TRAK1: variants seen among roughly 807,000 people sequenced by gnomAD.
TRAK1 encodes trafficking kinesin protein 1.
TRAK1 carries 33 observed loss-of-function variants against 92.1 expected under a neutral mutation model. The ratio of observed to expected loss-of-function variants is 0.36; its 90% CI spans 0.27 to 0.48. TRAK1 has a LOEUF of 0.48. TRAK1 is among the 20% of genes least tolerant of loss of function. The pLI, the probability that TRAK1 is intolerant of heterozygous loss-of-function variation, is 0.99. For synonymous variants in TRAK1, 521 were observed against 517.3 expected (o/e 1.01, Z -0.10); for missense variants, 1,123 against 1,257.9 (o/e 0.89, Z 1.62).
chr3:42,084,708 G>A (rs1324910309), upstream of TRAK1, among the ~76,000 whole-genome samples: 1 of 152,092 alleles, frequency 6.6e-6, no homozygotes, highest in Non-Finnish European at 1.5e-5. Context: ...GAATGTTCTG[G>A]GTTCTTCTTG....
intron 2 of TRAK1, among the ~76,000 whole-genome samples, chr3:42,151,031 A>T (rs1699891889): frequency 6.6e-6 from 1 of 152,176 alleles, no homozygotes. Context: ...TGACTCATTG[A>T]ACCCTCTATA....
At chr3:42,210,345 C>G (rs1708869783) in intron 14 of TRAK1, 2 of 1,463,760 alleles carry the variant, frequency 1.4e-6, no homozygotes, top group East Asian at 2.3e-5. Context: ...GCTCCCCTGC[C>G]CATCTTGGAG....
At chr3:42,089,552 C>T (rs1704877046), upstream of TRAK1, among the ~76,000 whole-genome samples, 1 of 152,172 alleles carries the variant, frequency 6.6e-6, no homozygotes, top group African/African-American at 2.4e-5. Context: ...CACTGGCCGC[C>T]TCACTTAACC....
At chr3:42,180,694 AAG>A (rs1703888377) in intron 3 of TRAK1, among the ~76,000 whole-genome samples, 1 of 151,726 alleles carries the variant, frequency 6.6e-6, no homozygotes, top group Non-Finnish European at 1.5e-5. Flanking sequence ...AAAAAAAAAA[AAG>A]AAAAAGGAAA....
At position 42,116,853 on chromosome 3, in the gene TRAK1, A is replaced by G. The variant is rs1332573629; in HGVS notation, c.92-8567A>G. Among the ~76,000 whole-genome samples the G allele has an allele frequency of 2.0e-5, 3 of 152,124 alleles. No individual in the cohort carries two copies. In the East Asian group the frequency reaches 5.8e-4, roughly 29 times the overall value. On this transcript the variant is annotated intron_variant, in intron 1 of 15. Coordinates refer to ENST00000327628, the MANE Select transcript of TRAK1 (RefSeq NM_001042646.3). Reference sequence around the variant, plus strand: ...AAAGATGGACCTCTGTATGGTGGCCACTATTTGATGAGCGAAGGTCCCTTT... The same window carrying G: ...AAAGATGGACCTCTGTATGGTGGCCGCTATTTGATGAGCGAAGGTCCCTTT...
Position 42,207,817 on chromosome 3 carries a change from G to A in TRAK1, c.1745-1950G>A, listed in dbSNP as rs116753189. Among the ~76,000 whole-genome samples the A allele has an allele frequency of 4.2e-3, 640 of 152,228 alleles. 4 individuals are homozygous for A. Among genetic ancestry groups the A allele is most frequent in the African/African-American group, 0.012 (516 of 41,516 alleles). ...GGTCCACAGCTTCCTTCAGATTCTC[G>A]AAACATCTGAGAGTTAAGAACCACA... On this transcript the variant is annotated intron_variant, in intron 13 of 15. Coordinates refer to ENST00000327628, the MANE Select transcript of TRAK1 (RefSeq NM_001042646.3).
At chr3:42,040,521 T>G (rs1007795440) in intron 1 of TRAK1, among the ~76,000 whole-genome samples, 9 of 152,214 alleles carry the variant, frequency 5.9e-5, no homozygotes, top group Non-Finnish European at 1.2e-4. Flanking sequence ...GATATCTGAT[T>G]GTACTAGTAC....
chr3:42,072,600 CG>C (rs1221845854), intron 1 of TRAK1, among the ~76,000 whole-genome samples: 9 of 148,484 alleles, frequency 6.1e-5, no homozygotes, highest in African/African-American at 2.2e-4. Context: ...GGGAGACAGG[CG>C]TGAGCTTACA....
At chr3:42,146,616 A>C (rs1699361163) in intron 2 of TRAK1, among the ~76,000 whole-genome samples, 1 of 152,188 alleles carries the variant, frequency 6.6e-6, no homozygotes, top group Non-Finnish European at 1.5e-5. Flanking sequence ...GTGCAGTGGC[A>C]TGATCACATC....
rs556490707 is a variant in TRAK1 at position 42,223,979 on chromosome 3, C to G, written c.*242C>G. 4.4e-4 allele frequency: 283 copies of G among 645,180 alleles called. 1 individual carries two copies. The highest frequency in any genetic ancestry group is 7.1e-4 in the Non-Finnish European group (251 of 354,320). The allele number at this position is 645,180 out of a possible 1,614,324, so 40.0% of individuals were successfully genotyped here. On this transcript the variant is annotated 3_prime_UTR_variant, in exon 16 of 16. Coordinates refer to ENST00000327628, the MANE Select transcript of TRAK1 (RefSeq NM_001042646.3). This position sits in a 1 kb window ranked among gnomAD's most constrained non-coding sequence, Gnocchi z 6.1. ...TTCTTCCGATCCCACAGGAAGTGCC[C>G]CTGCACTGTCATCACTCTCACGAGG...
Position 42,213,618 on chromosome 3 carries a change from G to A in TRAK1, c.1963+3633G>A, listed in dbSNP as rs7374034. On this transcript the variant is annotated intron_variant, in intron 14 of 15. Transcript: ENST00000327628. ...GGTGTTCCTGCAGCTTTGCCCGGGC[G>A]GGGCAGCTAGAGCAAAGCTCAGCCA... Among the ~76,000 whole-genome samples, 362 of 152,334 alleles carry A rather than the reference G, an allele frequency of 2.4e-3. 4 individuals carry two copies. Among genetic ancestry groups the A allele is most frequent in the Admixed American group, 0.019 (298 of 15,308 alleles).
At chr3:42,023,732 G>C (rs905711158) in intron 1 of TRAK1, among the ~76,000 whole-genome samples, 1 of 145,712 alleles carries the variant, frequency 6.9e-6, no homozygotes, top group South Asian at 2.2e-4. Flanking sequence ...TGAGTTTGAC[G>C]TGCTCGTGAG....
upstream of TRAK1, among the ~76,000 whole-genome samples, chr3:42,088,225 T>C (rs1704784385): frequency 1.3e-5 from 2 of 152,256 alleles, no homozygotes; most frequent in Admixed American, 6.5e-5. Context: ...CTCTTGGTTC[T>C]GTGTTACCAG....
intron 2 of TRAK1, among the ~76,000 whole-genome samples, chr3:42,167,423 C>T (rs951953216): frequency 2.0e-5 from 3 of 152,070 alleles, no homozygotes; most frequent in African/African-American, 7.2e-5. Context: ...ATTTTTGACA[C>T]GAGGACACTG....
intron 3 of TRAK1, among the ~76,000 whole-genome samples, chr3:42,181,796 C>G (rs7641090): frequency 0.59 from 90,225 of 151,912 alleles, 27,409 homozygotes; most frequent in East Asian, 0.95. Context: ...ACCAAATCCA[C>G]CTGAAACCAC....
chr3:42,063,524 A>C (rs1703539124), intron 1 of TRAK1, among the ~76,000 whole-genome samples: 1 of 152,090 alleles, frequency 6.6e-6, no homozygotes, highest in African/African-American at 2.4e-5. Flanking sequence ...TGTCTCTACA[A>C]AAATTACAAA....
Position 42,223,853 on chromosome 3 carries a change from C to A in TRAK1, c.*116C>A. ...CCCTCTGCCCTTCTCTGTCCACCCC[C>A]TCCTAAGCTAGACAAATCAACCTCG... is the stretch of plus-strand genomic sequence containing the variant. On this transcript the variant is annotated 3_prime_UTR_variant, in exon 16 of 16. Transcript: ENST00000327628. This position sits in a 1 kb window ranked among gnomAD's most constrained non-coding sequence, Gnocchi z 6.1. 3 of 1,216,608 alleles carry A rather than the reference C, an allele frequency of 2.5e-6. No homozygotes were observed. The highest frequency in any genetic ancestry group is 3.4e-6 in the Non-Finnish European group (3 of 869,816). 75.4% of individuals were successfully genotyped at this position (1,216,608 alleles called of 1,614,324 possible). A position where few individuals can be genotyped will look rare whatever the true frequency, so the allele number is the denominator to read the frequency against.
intron 1 of TRAK1, among the ~76,000 whole-genome samples, chr3:42,033,081 A>G (rs902180247): frequency 2.6e-5 from 4 of 152,232 alleles, no homozygotes; most frequent in African/African-American, 4.8e-5. Flanking sequence ...GTATTAGCAC[A>G]TCACATTCCC....
chr3:42,179,051 TA>T (rs1447875514), intron 3 of TRAK1, among the ~76,000 whole-genome samples: 1 of 152,142 alleles, frequency 6.6e-6, no homozygotes, highest in Non-Finnish European at 1.5e-5. Context: ...ATTTTTAAAT[TA>T]AAAAATTCTC....
Sources: allele counts gnomAD v4.1 joint callset (sites outside exome capture counted in the v4.1 genomes callset), GRCh38; gene constraint gnomAD v4.1.1; non-coding constraint Gnocchi (gnomAD v3.1); transcripts MANE v1.5; gene names NCBI Gene and HGNC (gene_info 2026-07-23, HGNC 2026-07-21).